Variants in PATJ observed in about 807,000 individuals in gnomAD.
PATJ encodes PATJ crumbs cell polarity complex component.
Under a neutral mutation model 224.9 loss-of-function variants are expected in PATJ, and 190 were observed. The ratio of observed to expected loss-of-function variants is 0.84; its 90% CI spans 0.75 to 0.95. The LOEUF (loss-of-function observed/expected upper bound fraction) is 0.95. PATJ is among the 40% of genes least tolerant of loss of function. The pLI, the probability that PATJ is intolerant of heterozygous loss-of-function variation, is 0.00. For synonymous variants in PATJ, 769 were observed against 820.3 expected, an observed-to-expected ratio of 0.94 and a Z score of 1.07; for missense variants, 2,121 against 2,270.3, an observed-to-expected ratio of 0.93 and a Z score of 1.34.
chr1:61,790,405 A>G (rs1649547989), intron 8 of PATJ, among the ~76,000 whole-genome samples: 1 of 152,038 alleles, frequency 6.6e-6, no homozygotes, highest in Non-Finnish European at 1.5e-5. Context: ...GTTTAAAACA[A>G]TATCCTTTGT....
chr1:62,054,046 A>G (rs759060472), intron 31 of PATJ, among the ~76,000 whole-genome samples: 14 of 152,328 alleles, frequency 9.2e-5, no homozygotes, highest in Non-Finnish European at 1.9e-4. Context: ...ATTGAATCAT[A>G]TGAAATTGCC....
intron 43 of PATJ, among the ~76,000 whole-genome samples, chr1:62,160,669 A>G (rs1472359922): frequency 6.6e-6 from 1 of 152,216 alleles, no homozygotes; most frequent in East Asian, 1.9e-4. Flanking sequence ...GTATCAGTAC[A>G]TTTCTACTAG....
chr1:61,753,033 A>G (rs1007016019), intron 1 of PATJ, among the ~76,000 whole-genome samples: 2 of 152,192 alleles, frequency 1.3e-5, no homozygotes, highest in Admixed American at 1.3e-4. Flanking sequence ...TCGTTTAATC[A>G]GTACCTCATA....
intron 20 of PATJ, among the ~76,000 whole-genome samples, chr1:61,870,045 G>A (rs529867307): frequency 6.6e-6 from 1 of 152,342 alleles, no homozygotes; most frequent in East Asian, 1.9e-4. Flanking sequence ...CTTTTCACGT[G>A]AGGCCGCTGC....
At chr1:62,075,744 C>T (rs763452750) in intron 31 of PATJ, among the ~76,000 whole-genome samples, 40 of 152,058 alleles carry the variant, frequency 2.6e-4, no homozygotes, top group Non-Finnish European at 5.0e-4. Context: ...CGGTGAAACC[C>T]CGTCTCTACT....
rs934071252 is a variant in PATJ at position 61,776,983 on chromosome 1, C to A, written c.849+1649C>A. Among the ~76,000 whole-genome samples, 5 of 152,218 alleles carry A rather than the reference C, an allele frequency of 3.3e-5. No homozygotes were observed. The South Asian group carries it at 1.0e-3, about 32-fold the overall frequency. ...CTCGTGATCCGCCCGCCTTAGCCTCCCAAAGTGCTGGGATTACAGGCGTGA... is the reference window on the plus strand; with the variant it reads ...CTCGTGATCCGCCCGCCTTAGCCTCACAAAGTGCTGGGATTACAGGCGTGA... On this transcript the variant is annotated intron_variant, in intron 7 of 43. Transcript: ENST00000642238.
At chr1:61,916,670 C>CG (rs1673492976) in intron 26 of PATJ, among the ~76,000 whole-genome samples, 1 of 152,190 alleles carries the variant, frequency 6.6e-6, no homozygotes, top group African/African-American at 2.4e-5. Context: ...GTCGATTTAT[C>CG]AAGACAGGGG....
At chr1:61,856,008 T>G (rs1663593849) in intron 17 of PATJ, 22 bp from the exon 18 acceptor site, 1 of 1,591,764 alleles carries the variant, frequency 6.3e-7, no homozygotes, top group Non-Finnish European at 8.6e-7. Flanking sequence ...GGACTCATCC[T>G]TCTTCTTTGC....
intron 14 of PATJ, among the ~76,000 whole-genome samples, chr1:61,811,787 C>T (rs1316980788): frequency 2.0e-5 from 3 of 150,788 alleles, no homozygotes; most frequent in Non-Finnish European, 3.0e-5. Flanking sequence ...CTAGGCTGGA[C>T]GCGGTGGCTC....
rs761487434 is a variant in PATJ, at chr1:61,763,060, CAGG to C, written c.73_75del (p.Glu25del). On this transcript the variant is annotated inframe_deletion, in exon 3 of 44. Coordinates refer to ENST00000642238, the MANE Select transcript of PATJ (RefSeq NM_001350145.3). Reference sequence around the variant, plus strand: ...ACTTGATCGCCTGAAAATGAAATTGCAGGAGAAGGGTGACACGTCGCAGAATGA... The same window carrying C: ...ACTTGATCGCCTGAAAATGAAATTGCAGAAGGGTGACACGTCGCAGAATGA... 21 of 1,610,774 alleles carry C rather than the reference CAGG, an allele frequency of 1.3e-5. No homozygotes were observed. Among genetic ancestry groups the C allele is most frequent in the Admixed American group, 1.7e-5 (1 of 59,838 alleles).
intron 27 of PATJ, among the ~76,000 whole-genome samples, chr1:61,965,929 C>A (rs1410761516): frequency 6.6e-6 from 1 of 152,218 alleles, no homozygotes; most frequent in East Asian, 1.9e-4. Flanking sequence ...TGAGGTGGAG[C>A]CTCGCTCTGT....
At chr1:62,123,469 C>CTT (rs34621846) in intron 39 of PATJ, among the ~76,000 whole-genome samples, 1,283 of 64,600 alleles carry the variant, frequency 0.02, 269 homozygotes, top group African/African-American at 0.077. Context: ...CTATAAGTTT[C>CTT]TTTTTTTTTT....
intron 27 of PATJ, among the ~76,000 whole-genome samples, chr1:61,986,618 G>A (rs946506823): frequency 3.9e-5 from 6 of 151,904 alleles, no homozygotes; most frequent in East Asian, 1.9e-4. Flanking sequence ...ACGGGGTCTC[G>A]CTATGTTGCC....
intron 39 of PATJ, among the ~76,000 whole-genome samples, chr1:62,125,185 C>T (rs1341317286): frequency 7.3e-6 from 1 of 137,486 alleles, no homozygotes; most frequent in African/African-American, 2.7e-5. Context: ...TGCAGTGAGC[C>T]GTGATCATGC....
chr1:62,044,242 G>A (rs765153484), intron 30 of PATJ, among the ~76,000 whole-genome samples: 14 of 152,042 alleles, frequency 9.2e-5, no homozygotes, highest in Admixed American at 5.9e-4. Flanking sequence ...CTGAAATTTT[G>A]CATCCTCTGA....
intron 25 of PATJ, among the ~76,000 whole-genome samples, chr1:61,913,645 T>G (rs1378585134): frequency 6.6e-6 from 1 of 152,218 alleles, no homozygotes. Context: ...CAGCTATGTA[T>G]TAGGCCATTT....
intron 10 of PATJ, among the ~76,000 whole-genome samples, chr1:61,796,718 C>CTT (rs1161042986): frequency 0.17 from 5,772 of 34,616 alleles, 163 homozygotes; most frequent in East Asian, 0.33. Flanking sequence ...TTCTTTCTTT[C>CTT]TTTCTTTTTC....
At chr1:62,146,719 G>C (rs963436807) in intron 41 of PATJ, among the ~76,000 whole-genome samples, 6 of 152,098 alleles carry the variant, frequency 3.9e-5, no homozygotes, top group African/African-American at 1.2e-4. Flanking sequence ...GGAGGTTGCG[G>C]TGAGCCAAGA....
At position 61,997,982 on chromosome 1, in the gene PATJ, T is replaced by TTTTATATATATATATATATA. The variant is rs374175697; in HGVS notation, c.3867+7619_3867+7620insTTATATATATATATATATAT. 8.4e-4 allele frequency among the ~76,000 whole-genome samples: 99 copies of TTTTATATATATATATATATA among 118,292 alleles called. 4 individuals are homozygous for TTTTATATATATATATATATA. The highest frequency in any genetic ancestry group is 3.7e-3 in the South Asian group (15 of 4,088). The allele number at this position is 118,292 out of a possible 152,430, so 77.6% of individuals were successfully genotyped here. On this transcript the variant is annotated intron_variant, in intron 28 of 43. Coordinates refer to ENST00000642238, the MANE Select transcript of PATJ (RefSeq NM_001350145.3). ...ATAGGTGCATGCCACTGTGCCCAGC[T>TTTTATATATATATATATATA]TATATATGTATATATAATATATTAT...
Sources: gnomAD v4.1 joint callset for allele counts (sites outside exome capture counted in the v4.1 genomes callset) on GRCh38, gnomAD v4.1.1 for gene constraint, MANE v1.5 for transcripts, NCBI Gene and HGNC (gene_info 2026-07-23, HGNC 2026-07-21) for gene names.